RIMS1: variants seen among roughly 807,000 people sequenced by gnomAD.
RIMS1 encodes the protein regulating synaptic membrane exocytosis protein 1.
In RIMS1, 83 loss-of-function variants were observed where a neutral mutation model predicts 214.1. The ratio of observed to expected loss-of-function variants is 0.39; its 90% CI spans 0.32 to 0.47. RIMS1 has a LOEUF of 0.47. RIMS1 is among the 20% of genes least tolerant of loss of function. The probability of loss-of-function intolerance (pLI) is 0.99; values close to 1 mark genes in which losing one functional copy is unlikely to be tolerated. For missense variants in RIMS1, 2,050 were observed against 2,161.8 expected (o/e 0.95, Z 1.03); for synonymous variants, 793 against 786.8 (o/e 1.01, Z -0.13).
intron 28 of RIMS1, among the ~76,000 whole-genome samples, chr6:72,320,737 T>C (rs2096103737): frequency 6.6e-6 from 1 of 152,072 alleles, no homozygotes; most frequent in South Asian, 2.1e-4. Flanking sequence ...TATTGTTTTT[T>C]AGCATTTTAG....
At chr6:72,341,763 G>T (rs1260164678) in intron 29 of RIMS1, among the ~76,000 whole-genome samples, 1 of 151,716 alleles carries the variant, frequency 6.6e-6, no homozygotes, top group Non-Finnish European at 1.5e-5. Context: ...GAGACAAATT[G>T]GTCAAGGATC....
intron 4 of RIMS1, among the ~76,000 whole-genome samples, chr6:72,121,356 G>A (rs2038260326): frequency 6.6e-6 from 1 of 151,722 alleles, no homozygotes; most frequent in African/African-American, 2.4e-5. Flanking sequence ...TTTCCTTGAA[G>A]ACCTCCTTCA....
chr6:72,212,967 T>C, intron 6 of RIMS1: 1 of 1,412,274 alleles, frequency 7.1e-7, no homozygotes, highest in East Asian at 2.6e-5. Flanking sequence ...TTTATTTCAG[T>C]TTCCATTTTC....
At chr6:71,917,404 A>G (rs1778742078) in intron 1 of RIMS1, among the ~76,000 whole-genome samples, 1 of 152,136 alleles carries the variant, frequency 6.6e-6, no homozygotes, top group Non-Finnish European at 1.5e-5. Flanking sequence ...GCTAACATCT[A>G]GTGGAGAAGA....
chr6:72,183,162 C>T lies in RIMS1; in HGVS notation c.1678+13C>T, dbSNP rs372100544. ...GTCAGCGAGAAAGGTAAGGGGGCGG[C>T]GCCGGCCGTGCGGGGACTTCAGCCA... On this transcript the variant is annotated intron_variant, in intron 6 of 33. Coordinates refer to ENST00000521978, the MANE Select transcript of RIMS1 (RefSeq NM_014989.7). 2.1e-5 allele frequency: 33 copies of T among 1,585,366 alleles called. No homozygotes were observed. Among genetic ancestry groups the T allele is most frequent in the Admixed American group, 3.6e-5 (2 of 55,776 alleles).
chr6:72,211,640 A>G (rs1589176071), intron 6 of RIMS1, among the ~76,000 whole-genome samples: 1 of 152,270 alleles, frequency 6.6e-6, no homozygotes, highest in East Asian at 1.9e-4. Flanking sequence ...ATTGATTATT[A>G]CTTCAAAGGA....
chr6:72,144,004 A>C (rs180711846), intron 4 of RIMS1, among the ~76,000 whole-genome samples: 2 of 152,318 alleles, frequency 1.3e-5, no homozygotes, highest in East Asian at 1.9e-4. Context: ...GTCCTGGACC[A>C]CAGTATTTTG....
In RIMS1 at chr6:71,887,133, T is replaced by C. The variant is rs762678879; in HGVS notation, c.110T>C (p.Met37Thr). Residue 37 changes from methionine to threonine, a missense_variant, in exon 1 of 34, where the codon ATG becomes ACG. Met to Thr is a moderately conservative substitution (Grantham distance 81). Transcript: ENST00000521978. ...ACCGAAGAGGAGAGGAACATTATCA[T>C]GGCAGTGATGGACCGGCAGAAGGAA... Reference protein sequence around the residue: ...HLTEEERNIIMAVMDRQKEEE... With the variant: ...HLTEEERNIITAVMDRQKEEE... 2.4e-5 allele frequency: 39 copies of C among 1,613,208 alleles called. No homozygotes were observed. The highest frequency in any genetic ancestry group is 3.1e-5 in the Non-Finnish European group (37 of 1,179,638).
At chr6:71,905,466 C>T (rs1446370315) in intron 1 of RIMS1, among the ~76,000 whole-genome samples, 2 of 151,902 alleles carry the variant, frequency 1.3e-5, no homozygotes, top group Middle Eastern at 3.2e-3. Flanking sequence ...TTGCCATTGG[C>T]CAGGACCAGG....
At chr6:72,246,975 T>G (rs573033628) in intron 11 of RIMS1, among the ~76,000 whole-genome samples, 6 of 152,260 alleles carry the variant, frequency 3.9e-5, no homozygotes, top group African/African-American at 1.4e-4. Context: ...GAGAATTAAT[T>G]TGTACTTATA....
intron 29 of RIMS1, among the ~76,000 whole-genome samples, chr6:72,362,808 G>A (rs896739022): frequency 2.6e-4 from 40 of 152,090 alleles, no homozygotes; most frequent in African/African-American, 9.4e-4. Flanking sequence ...TCAATTCCAT[G>A]TGTTCTGGGA....
rs567545722 is a variant in RIMS1, at chr6:72,362,436, G to A, written c.4367-28162G>A. On this transcript the variant is annotated intron_variant, in intron 29 of 33. Transcript: ENST00000521978. The stretch of plus-strand genomic sequence containing the variant: ...AGACAGATTTAGGTTTTACAGGGTC[G>A]GAATTTTGTGGAAAGCCCTCTTGAA... Among the ~76,000 whole-genome samples, 5 of 152,028 alleles carry A rather than the reference G, an allele frequency of 3.3e-5. No homozygotes were observed. In the South Asian group the frequency reaches 8.3e-4, roughly 25 times the overall value.
chr6:72,086,217 C>T (rs770765603), intron 2 of RIMS1, among the ~76,000 whole-genome samples: 51 of 152,150 alleles, frequency 3.4e-4, no homozygotes, highest in African/African-American at 5.5e-4. Context: ...TTGAAGGAGA[C>T]GACAAAGGCA....
rs550924816 is a variant in RIMS1 at position 72,186,341 on chromosome 6, T to C, written c.1678+3192T>C. On this transcript the variant is annotated intron_variant, in intron 6 of 33. Coordinates refer to ENST00000521978, the MANE Select transcript of RIMS1 (RefSeq NM_014989.7). ...ATTGTGTGATGGTCTGAATTTTCAC[T>C]ATATAATGCTGTAGCCCCATGTAGC... Among the ~76,000 whole-genome samples the C allele has an allele frequency of 3.9e-5, 6 of 152,362 alleles. No homozygotes were observed. The East Asian group carries it at 1.2e-3, about 29-fold the overall frequency.
At chr6:72,000,001 A>C (rs1291786205) in intron 2 of RIMS1, among the ~76,000 whole-genome samples, 2 of 152,070 alleles carry the variant, frequency 1.3e-5, no homozygotes, top group Non-Finnish European at 2.9e-5. Flanking sequence ...TTAAGATATT[A>C]ATCTGTTGTT....
intron 24 of RIMS1, among the ~76,000 whole-genome samples, chr6:72,284,981 A>G (rs1307906964): frequency 1.3e-5 from 2 of 152,230 alleles, no homozygotes; most frequent in African/African-American, 4.8e-5. Context: ...GAGAGGGGAC[A>G]ACGTGAGAAA....
rs560051801 is a variant in RIMS1, at chr6:72,163,172, C to T, written c.472-16403C>T. ...ACTGATACCCTTTCTTCCAGTTGATCGAATCGGCTACTGAGGCTTCTGCAT... is the reference window on the plus strand; with the variant it reads ...ACTGATACCCTTTCTTCCAGTTGATTGAATCGGCTACTGAGGCTTCTGCAT... On this transcript the variant is annotated intron_variant, in intron 4 of 33. Transcript: ENST00000521978. 4.6e-4 allele frequency among the ~76,000 whole-genome samples: 64 copies of T among 140,244 alleles called. 2 individuals are homozygous for T. Among genetic ancestry groups the T allele is most frequent in the Middle Eastern group, 3.5e-3 (1 of 284 alleles). The allele number at this position is 140,244 out of a possible 152,430, so 92.0% of individuals were successfully genotyped here.
intron 6 of RIMS1, among the ~76,000 whole-genome samples, chr6:72,233,517 T>C (rs1464003440): frequency 6.6e-6 from 1 of 151,148 alleles, no homozygotes; most frequent in Non-Finnish European, 1.5e-5. Flanking sequence ...TTTTTTTTTT[T>C]CTGTACATTT....
intron 6 of RIMS1, among the ~76,000 whole-genome samples, chr6:72,204,736 A>G (rs2052614657): frequency 6.6e-6 from 1 of 152,186 alleles, no homozygotes; most frequent in Admixed American, 6.5e-5. Flanking sequence ...TTATAGTTAC[A>G]TACATGGAAT....
Sources: gnomAD v4.1 joint callset for allele counts (sites outside exome capture counted in the v4.1 genomes callset) on GRCh38, gnomAD v4.1.1 for gene constraint, MANE v1.5 for transcripts, NCBI Gene and HGNC (gene_info 2026-07-23, HGNC 2026-07-21) for gene names.